The following EFCC1 variants were observed in gnomAD, a reference collection of about 807,000 sequenced individuals.
EFCC1 encodes the protein EF-hand and coiled-coil domain-containing protein 1.
In EFCC1, 50 loss-of-function variants were observed where a neutral mutation model predicts 52.1. That is an observed-to-expected ratio of 0.96 (90% CI 0.76 to 1.21). EFCC1 has a LOEUF of 1.21. EFCC1 is among the 50% of genes most tolerant of loss of function. The probability of loss-of-function intolerance (pLI) is 0.00; values close to 1 mark genes in which losing one functional copy is unlikely to be tolerated. For synonymous variants in EFCC1, 399 were observed against 396.5 expected, an observed-to-expected ratio of 1.01 and a Z score of -0.08; for missense variants, 837 against 867.3, an observed-to-expected ratio of 0.97 and a Z score of 0.44.
Position 129,002,218 on chromosome 3 carries a change from G to T in EFCC1, c.590G>T (p.Cys197Phe). 1 of 1,529,086 alleles carries T rather than the reference G, an allele frequency of 6.5e-7. No individual in the cohort carries two copies. The highest frequency in any genetic ancestry group is 8.7e-7 in the Non-Finnish European group (1 of 1,143,434). 94.7% of individuals were successfully genotyped at this position (1,529,086 alleles called of 1,614,324 possible). The stretch of plus-strand genomic sequence containing the variant: ...CCTGGCCCCGACAGCGGTCCTGACT[G>T]TGAGCGCGTTGCGCGGCTGGAGGAG... ...CAPGPDSGPDCERVARLEEEN... is the reference protein window; with the variant it reads ...CAPGPDSGPDFERVARLEEEN... Residue 197 changes from cysteine to phenylalanine, a missense_variant, in exon 1 of 8, where the codon TGT becomes TTT. By Grantham distance (205) the Cys-to-Phe change is radical. Coordinates refer to ENST00000683648, the MANE Select transcript of EFCC1 (RefSeq NM_001377500.1).
At chr3:129,032,715 G>A (rs1946295674) in intron 3 of EFCC1, 104 bp from the exon 4 acceptor site, 4 of 1,446,492 alleles carry the variant, frequency 2.8e-6, no homozygotes, top group Admixed American at 2.4e-5. Flanking sequence ...AGGGGACATG[G>A]CACAAGAGCC....
chr3:129,003,817 G>A lies in EFCC1; in HGVS notation c.720G>A (p.Ala240=). The change falls in exon 2 of 8, where the codon GCG becomes GCA. Residue 240 remains alanine, a synonymous_variant. Transcript: ENST00000683648. ...AGGTCGGACTCTGGAAGAGCCAGGC[G>A]AGCACCCACGAGATGGGGCACGGCG... The part of the protein sequence containing the change: ...ALQVGLWKSQ[A]STHEMGHGGP... 1 of 1,465,894 alleles carries A rather than the reference G, an allele frequency of 6.8e-7. No individual in the cohort carries two copies. Among genetic ancestry groups the A allele is most frequent in the Non-Finnish European group, 9.0e-7 (1 of 1,113,686 alleles). The allele number at this position is 1,465,894 out of a possible 1,614,324, so 90.8% of individuals were successfully genotyped here. A position where few individuals can be genotyped will look rare whatever the true frequency, so the allele number is the denominator to read the frequency against.
At position 129,040,008 on chromosome 3, in the gene EFCC1, TC is replaced by T; in HGVS notation, c.*163del. 3.1e-6 allele frequency: 3 copies of T among 979,290 alleles called. No individual in the cohort carries two copies. The highest frequency in any genetic ancestry group is 4.2e-6 in the Non-Finnish European group (3 of 716,930). 60.7% of individuals were successfully genotyped at this position (979,290 alleles called of 1,614,324 possible). On this transcript the variant is annotated 3_prime_UTR_variant, in exon 8 of 8. Transcript: ENST00000683648. This position sits in a 1 kb window ranked among gnomAD's most constrained non-coding sequence, Gnocchi z 4.4. ...CAAGGTTAAGCCCGAGCCCAGAGCC[TC>T]CCATTGCAGCACCTGGCAGCCACCC... is the stretch of plus-strand genomic sequence containing the variant.
At chr3:129,011,477 G>GAA (rs1269390650) in intron 2 of EFCC1, among the ~76,000 whole-genome samples, 4 of 151,730 alleles carry the variant, frequency 2.6e-5, no homozygotes, top group African/African-American at 9.7e-5. Context: ...CTTGAACCCA[G>GAA]AAGGTGGAGG....
At chr3:129,032,757 T>C in intron 3 of EFCC1, 62 bp from the exon 4 acceptor site, 2 of 1,527,930 alleles carry the variant, frequency 1.3e-6, no homozygotes, top group Non-Finnish European at 8.8e-7. Flanking sequence ...CATGTCCCCC[T>C]GGGGAGGGAT....
Position 129,002,261 on chromosome 3 carries a change from C to A in EFCC1, c.633C>A (p.Arg211=), listed in dbSNP as rs1176741419. 1 of 1,531,178 alleles carries A rather than the reference C, an allele frequency of 6.5e-7. No homozygotes were observed. Among genetic ancestry groups the A allele is most frequent in the Non-Finnish European group, 8.7e-7 (1 of 1,144,924 alleles). The allele number at this position is 1,531,178 out of a possible 1,614,324, so 94.8% of individuals were successfully genotyped here. A position where few individuals can be genotyped will look rare whatever the true frequency, so the allele number is the denominator to read the frequency against. ...TGGAGGAGGAGAATAGCAGCTTGCGCGAGTTGGTGGAGGACCTGCGCGCCG... is the reference window on the plus strand; with the variant it reads ...TGGAGGAGGAGAATAGCAGCTTGCGAGAGTTGGTGGAGGACCTGCGCGCCG... ...ARLEEENSSL[R]ELVEDLRAAL... Residue 211 remains arginine, a synonymous_variant, in exon 1 of 8, where the codon CGC becomes CGA. Transcript: ENST00000683648.
At position 129,027,365 on chromosome 3, in the gene EFCC1, C is replaced by T. The variant is rs374921501; in HGVS notation, c.981-3338C>T. ...TTGGGCTGTGCGCGCTGCCGGCTGG[C>T]TCCCCTCTTGGGCTCGCGGGCCCTC... On this transcript the variant is annotated intron_variant, in intron 2 of 7. Transcript: ENST00000683648. Among the ~76,000 whole-genome samples, 427 of 152,288 alleles carry T rather than the reference C, an allele frequency of 2.8e-3. 4 individuals carry two copies. The highest frequency in any genetic ancestry group is 0.023 in the Admixed American group (353 of 15,308).
chr3:129,038,000 GT>G (rs1201150724), intron 6 of EFCC1, among the ~76,000 whole-genome samples: 1 of 151,824 alleles, frequency 6.6e-6, no homozygotes, highest in Non-Finnish European at 1.5e-5. Context: ...GGAGGCAAAA[GT>G]TGCAGTGAGC....
intron 2 of EFCC1, among the ~76,000 whole-genome samples, chr3:129,021,337 G>A (rs1945832960): frequency 6.6e-6 from 1 of 152,180 alleles, no homozygotes; most frequent in Non-Finnish European, 1.5e-5. Flanking sequence ...TTGAGGGAAG[G>A]TCACACTTTG....
intron 2 of EFCC1, among the ~76,000 whole-genome samples, chr3:129,027,083 T>C (rs1196486138): frequency 6.6e-6 from 1 of 152,078 alleles, no homozygotes; most frequent in African/African-American, 2.4e-5. Flanking sequence ...AGGCACAACT[T>C]CCCGCTTCGT....
At chr3:129,027,588 G>T (rs769976775) in intron 2 of EFCC1, among the ~76,000 whole-genome samples, 1 of 152,176 alleles carries the variant, frequency 6.6e-6, no homozygotes, top group Admixed American at 6.5e-5. Context: ...GGCACCTCCC[G>T]AGCAGGGGTC....
chr3:129,026,840 C>T (rs889984824), intron 2 of EFCC1, among the ~76,000 whole-genome samples: 16 of 152,178 alleles, frequency 1.1e-4, no homozygotes, highest in Admixed American at 4.6e-4. Context: ...GGTTTTCACA[C>T]TGGTTGCTGC....
intron 2 of EFCC1, among the ~76,000 whole-genome samples, chr3:129,008,062 G>A (rs963218199): frequency 5.9e-5 from 9 of 152,212 alleles, no homozygotes; most frequent in African/African-American, 2.2e-4. Flanking sequence ...AGAACTGGCT[G>A]TAGAGTTCCC....
chr3:129,012,802 C>T (rs986640043), intron 2 of EFCC1, among the ~76,000 whole-genome samples: 4 of 152,184 alleles, frequency 2.6e-5, no homozygotes, highest in African/African-American at 9.7e-5. Flanking sequence ...TGAACTTCCC[C>T]TTAGAAGTGA....
intron 2 of EFCC1, among the ~76,000 whole-genome samples, chr3:129,007,723 C>T (rs1945136163): frequency 6.6e-6 from 1 of 152,324 alleles, no homozygotes; most frequent in Non-Finnish European, 1.5e-5. Flanking sequence ...AATTTCCTAA[C>T]TTTGAGTCAA....
In EFCC1 at chr3:129,039,771, C is replaced by T. The variant is rs1328748814; in HGVS notation, c.1723C>T (p.Gln575Ter). The T allele has an allele frequency of 6.2e-7, 1 of 1,612,190 alleles. No homozygotes were observed. Among genetic ancestry groups the T allele is most frequent in the Non-Finnish European group, 8.5e-7 (1 of 1,179,014 alleles). Reference sequence around the variant, plus strand: ...CCTGCACCAAGCCTTGGCTGCCTGCCAGCTGTTGCGGAGACAGCCCTCGGC... The same window carrying T: ...CCTGCACCAAGCCTTGGCTGCCTGCTAGCTGTTGCGGAGACAGCCCTCGGC... ...DALHQALAAC[Q>*]LLRRQPSAPA... Residue 575 changes from glutamine to a stop codon, truncating the protein, a stop_gained, in exon 8 of 8, where the codon CAG becomes TAG. Coordinates refer to ENST00000683648, the MANE Select transcript of EFCC1 (RefSeq NM_001377500.1). LOFTEE classifies it low-confidence loss of function (END_TRUNC).
chr3:129,028,469 C>G (rs954249043), intron 2 of EFCC1, among the ~76,000 whole-genome samples: 3 of 152,102 alleles, frequency 2.0e-5, no homozygotes, highest in African/African-American at 7.2e-5. Context: ...TGACTTAGGA[C>G]TTTTATTCCT....
chr3:129,034,714 G>A (rs7647490), intron 5 of EFCC1, among the ~76,000 whole-genome samples: 8,144 of 152,190 alleles, frequency 0.054, 596 homozygotes, highest in African/African-American at 0.17. Context: ...GGGAAGACAG[G>A]ACCATGAACA....
intron 2 of EFCC1, among the ~76,000 whole-genome samples, chr3:129,007,481 G>C (rs1289900980): frequency 1.3e-5 from 2 of 152,176 alleles, no homozygotes; most frequent in African/African-American, 4.8e-5. Flanking sequence ...AACTCCCCCT[G>C]AGAATGACAG....
Sources: allele counts gnomAD v4.1 joint callset (sites outside exome capture counted in the v4.1 genomes callset), GRCh38; gene constraint gnomAD v4.1.1; non-coding constraint Gnocchi (gnomAD v3.1); transcripts MANE v1.5; gene names NCBI Gene and HGNC (gene_info 2026-07-23, HGNC 2026-07-21).